KIAA1549: variants seen among roughly 807,000 people sequenced by gnomAD.
KIAA1549 encodes the protein UPF0606 protein KIAA1549.
Under a neutral mutation model 156.4 loss-of-function variants are expected in KIAA1549, and 70 were observed. The ratio of observed to expected loss-of-function variants is 0.45; its 90% CI spans 0.37 to 0.55. The LOEUF is 0.55. Among genes scored for constraint, KIAA1549 ranks in the 20% least tolerant of loss-of-function variants. The pLI is 0.00. For missense variants in KIAA1549, 2,428 were observed against 2,540.9 expected (o/e 0.96, Z 0.96); for synonymous variants, 1,103 against 1,066.4 (o/e 1.03, Z -0.67).
intron 1 of KIAA1549, among the ~76,000 whole-genome samples, chr7:138,946,932 T>C (rs573146697): frequency 2.0e-5 from 3 of 152,218 alleles, no homozygotes; most frequent in Admixed American, 6.5e-5. Context: ...CTTTACTGCA[T>C]GGCCCAGGGA....
chr7:138,972,549 C>T (rs1814250610), intron 1 of KIAA1549, among the ~76,000 whole-genome samples: 1 of 151,974 alleles, frequency 6.6e-6, no homozygotes, highest in Non-Finnish European at 1.5e-5. Context: ...TGACTCGGGC[C>T]AATGGCTCAC....
At chr7:138,955,460 A>G (rs1813634441) in intron 1 of KIAA1549, among the ~76,000 whole-genome samples, 1 of 152,180 alleles carries the variant, frequency 6.6e-6, no homozygotes, top group Non-Finnish European at 1.5e-5. Flanking sequence ...GGTGGATGCC[A>G]GGGGATAGGG....
chr7:138,908,277 T>A (rs577328022), intron 5 of KIAA1549, among the ~76,000 whole-genome samples: 1 of 151,944 alleles, frequency 6.6e-6, no homozygotes, highest in Non-Finnish European at 1.5e-5. Context: ...TTTTAACAAT[T>A]CTAATTAACG....
chr7:138,962,453 C>A (rs1813882896), intron 1 of KIAA1549, among the ~76,000 whole-genome samples: 1 of 152,198 alleles, frequency 6.6e-6, no homozygotes. Context: ...CTCTGACCAG[C>A]AGAATGCATC....
chr7:138,861,106 C>T (rs750589380), intron 16 of KIAA1549, 33 bp downstream of exon 16: 1 of 1,605,724 alleles, frequency 6.2e-7, no homozygotes, highest in South Asian at 1.1e-5. Context: ...CAACATCTTG[C>T]CCATCAGAGA....
chr7:138,916,852 G>A lies in KIAA1549; in HGVS notation c.2774C>T (p.Thr925Ile). The A allele has an allele frequency of 6.2e-7, 1 of 1,613,988 alleles. No homozygotes were observed. Among genetic ancestry groups the A allele is most frequent in the Non-Finnish European group, 8.5e-7 (1 of 1,179,890 alleles). ...GACTGTTGCTTCGAGAGTGAAGGCA[G>A]TCACGGGACGCAGGGATGGCAGGGG... is the stretch of plus-strand genomic sequence containing the variant. ...APPLPSLRPVTAFTLEATVDT... is the reference protein window; with the variant it reads ...APPLPSLRPVIAFTLEATVDT... Residue 925 changes from threonine to isoleucine, a missense_variant, in exon 2 of 20, where the codon ACT becomes ATT. Physicochemically the swap from Thr to Ile is moderately conservative, Grantham distance 89 (BLOSUM62 -1). This residue lies in a region of KIAA1549 where 762 missense variants were observed against 901.6 expected (regional missense o/e 0.85). Coordinates refer to ENST00000422774, the MANE Select transcript of KIAA1549 (RefSeq NM_001164665.2).
In KIAA1549 at chr7:138,896,162, C is replaced by T. The variant is rs116909152; in HGVS notation, c.3848-1636G>A. Among the ~76,000 whole-genome samples the T allele has an allele frequency of 1.0e-3, 159 of 152,330 alleles. 1 individual carries two copies. In the East Asian group the frequency reaches 0.028, roughly 27 times the overall value. On this transcript the variant is annotated intron_variant, in intron 9 of 19. Coordinates refer to ENST00000422774, the MANE Select transcript of KIAA1549 (RefSeq NM_001164665.2). ...TGCACTCATTCATCCGGTCTTGACG[C>T]CAAATCTTGTCTTTTCAAAAACATC... is the stretch of plus-strand genomic sequence containing the variant.
At chr7:138,952,008 G>A (rs1421404430) in intron 1 of KIAA1549, among the ~76,000 whole-genome samples, 1 of 152,138 alleles carries the variant, frequency 6.6e-6, no homozygotes, top group Non-Finnish European at 1.5e-5. Context: ...AACCAATCCT[G>A]CCCTCAGTGA....
In KIAA1549 at chr7:138,832,045, G is replaced by C. The variant is rs1809547546; in HGVS notation, c.*5861C>G. 1 of 231,648 alleles carries C rather than the reference G, an allele frequency of 4.3e-6. No individual in the cohort carries two copies. Among genetic ancestry groups the C allele is most frequent in the Admixed American group, 5.7e-5 (1 of 17,692 alleles). 14.3% of individuals were successfully genotyped at this position (231,648 alleles called of 1,614,324 possible). ...ACTATTCCCAACTTGTACACTTAGGGAGTCAAGTTATGAATACTTGAAATC... is the reference window on the plus strand; with the variant it reads ...ACTATTCCCAACTTGTACACTTAGGCAGTCAAGTTATGAATACTTGAAATC... On this transcript the variant is annotated 3_prime_UTR_variant, in exon 20 of 20. Transcript: ENST00000422774.
intron 8 of KIAA1549, 28 bp downstream of exon 8, chr7:138,903,560 C>T (rs774015515): frequency 6.2e-7 from 1 of 1,608,560 alleles, no homozygotes; most frequent in East Asian, 2.2e-5. Flanking sequence ...CCTCTCTCTC[C>T]TTCCCCTCCT....
chr7:138,931,051 G>A (rs1334928411), intron 1 of KIAA1549, among the ~76,000 whole-genome samples: 1 of 152,156 alleles, frequency 6.6e-6, no homozygotes, highest in African/African-American at 2.4e-5. Flanking sequence ...GAGCCCTCAG[G>A]AGAGGGAGAG....
chr7:138,850,800 C>CCTA (rs1810212908), intron 17 of KIAA1549, among the ~76,000 whole-genome samples: 1 of 152,110 alleles, frequency 6.6e-6, no homozygotes, highest in Admixed American at 6.5e-5. Context: ...AATGCTATTG[C>CCTA]CTAGGATGTC....
intron 15 of KIAA1549, among the ~76,000 whole-genome samples, chr7:138,866,031 C>T (rs1158577662): frequency 6.6e-6 from 1 of 152,156 alleles, no homozygotes; most frequent in Non-Finnish European, 1.5e-5. Context: ...TCAAGCCAAA[C>T]CCCACAGATG....
intron 1 of KIAA1549, among the ~76,000 whole-genome samples, chr7:138,975,834 T>G (rs1458162694): frequency 6.6e-6 from 1 of 152,202 alleles, no homozygotes; most frequent in Non-Finnish European, 1.5e-5. Context: ...GCCTCTATCA[T>G]TCAGGGCACT....
At position 138,869,593 on chromosome 7, in the gene KIAA1549, T is replaced by G; in HGVS notation, c.4720A>C (p.Lys1574Gln). 6.2e-7 allele frequency: 1 copy of G among 1,600,714 alleles called. No individual in the cohort carries two copies. Among genetic ancestry groups the G allele is most frequent in the Non-Finnish European group, 8.5e-7 (1 of 1,175,042 alleles). Residue 1574 changes from lysine (K) to glutamine (Q), a missense_variant, in exon 14 of 20, where the codon AAG becomes CAG. This residue lies in a region of KIAA1549 where 404 missense variants were observed against 417.0 expected (regional missense o/e 0.97). Transcript: ENST00000422774. ...ACGCTGGCCGTGGGGTCCAGGATCT[T>G]GTCGATCTGCATCTGTGCCCTGCGG... Reference protein sequence around the residue: ...VYRRAQMQIDKILDPTASVPS... With the variant: ...VYRRAQMQIDQILDPTASVPS...
chr7:138,960,771 G>T (rs1359550315), intron 1 of KIAA1549, among the ~76,000 whole-genome samples: 1 of 152,002 alleles, frequency 6.6e-6, no homozygotes, highest in African/African-American at 2.4e-5. Flanking sequence ...CATATTGCAC[G>T]TGCTTTTCTC....
At chr7:138,929,812 T>G (rs2130502777) in intron 1 of KIAA1549, among the ~76,000 whole-genome samples, 1 of 152,144 alleles carries the variant, frequency 6.6e-6, no homozygotes, top group East Asian at 1.9e-4. Context: ...CAGCTCAACC[T>G]CCCAAACAGC....
At chr7:138,951,306 C>T (rs1813491504) in intron 1 of KIAA1549, among the ~76,000 whole-genome samples, 1 of 152,184 alleles carries the variant, frequency 6.6e-6, no homozygotes, top group African/African-American at 2.4e-5. Context: ...CTTCCCTCCA[C>T]CCGTGTCTTC....
intron 8 of KIAA1549, among the ~76,000 whole-genome samples, chr7:138,899,633 G>A (rs1811785659): frequency 1.3e-5 from 2 of 152,016 alleles, no homozygotes; most frequent in South Asian, 4.2e-4. Flanking sequence ...CCTTGACATG[G>A]GGTGCACTGT....
Sources: allele counts gnomAD v4.1 joint callset (sites outside exome capture counted in the v4.1 genomes callset), GRCh38; gene constraint gnomAD v4.1.1; regional missense constraint gnomAD v4.1.1; transcripts MANE v1.5; gene names NCBI Gene and HGNC (gene_info 2026-07-23, HGNC 2026-07-21).